The following ANKRD12 variants were observed in gnomAD, a reference collection of about 807,000 sequenced individuals.
ANKRD12 encodes the protein ankyrin repeat domain 12, also known as ankyrin repeat domain-containing protein 12.
Under a neutral mutation model 183.4 loss-of-function variants are expected in ANKRD12, and 85 were observed. That is an observed-to-expected ratio of 0.46 (90% CI 0.39 to 0.56). The LOEUF (loss-of-function observed/expected upper bound fraction) is 0.56, where lower values mean the gene tolerates loss of function less well. Among genes scored for constraint, ANKRD12 ranks in the 20% least tolerant of loss-of-function variants. The pLI is 0.00. For synonymous variants in ANKRD12, 914 were observed against 800.2 expected (o/e 1.14, Z -2.40); for missense variants, 2,405 against 2,357.1 (o/e 1.02, Z -0.42).
intron 12 of ANKRD12, 47 bp downstream of exon 12, chr18:9,279,691 A>C: frequency 2.5e-6 from 1 of 404,960 alleles, no homozygotes; most frequent in Non-Finnish European, 3.8e-6. Flanking sequence ...CCCCCTTCTT[A>C]AAAAAAAAAA....
At chr18:9,153,237 G>A (rs78459992) in intron 1 of ANKRD12, among the ~76,000 whole-genome samples, 2,225 of 152,222 alleles carry the variant, frequency 0.015, 59 homozygotes, top group African/African-American at 0.051. Context: ...AATATTTTTC[G>A]TTAACCCTCA....
At chr18:9,274,547 A>G (rs2039743407) in intron 10 of ANKRD12, among the ~76,000 whole-genome samples, 1 of 152,188 alleles carries the variant, frequency 6.6e-6, no homozygotes, top group African/African-American at 2.4e-5. Flanking sequence ...GCATAGAGGA[A>G]GGGGGTGGAG....
intron 6 of ANKRD12, among the ~76,000 whole-genome samples, chr18:9,213,369 T>A (rs1175874373): frequency 6.6e-6 from 1 of 151,924 alleles, no homozygotes; most frequent in Non-Finnish European, 1.5e-5. Context: ...ATTTCTTTCA[T>A]CTGACAATTC....
chr18:9,167,370 G>T (rs548717978), intron 1 of ANKRD12, among the ~76,000 whole-genome samples: 19 of 152,238 alleles, frequency 1.2e-4, no homozygotes, highest in African/African-American at 3.9e-4. Flanking sequence ...TCTTCCATTT[G>T]TTTGTATCCT....
intron 10 of ANKRD12, among the ~76,000 whole-genome samples, chr18:9,266,515 T>A (rs1314102144): frequency 6.6e-6 from 1 of 152,144 alleles, no homozygotes; most frequent in Non-Finnish European, 1.5e-5. Flanking sequence ...CCGGCCAAAC[T>A]AAGCTTCATA....
At position 9,232,495 on chromosome 18, in the gene ANKRD12, G is replaced by T. The variant is rs559671868; in HGVS notation, c.943+10496G>T. Among the ~76,000 whole-genome samples, 8 of 152,264 alleles carry T rather than the reference G, an allele frequency of 5.3e-5. No homozygotes were observed. The South Asian group carries it at 1.2e-3, about 24-fold the overall frequency. On this transcript the variant is annotated intron_variant, in intron 8 of 12. Coordinates refer to ENST00000262126, the MANE Select transcript of ANKRD12 (RefSeq NM_015208.5). ...GAAGTCTGCTGTTAGTCTGATGGTG[G>T]TGGGGGGAGGCCTCTCTGTAGGTGA...
chr18:9,197,669 A>C (rs1423345322), intron 3 of ANKRD12, among the ~76,000 whole-genome samples: 1 of 152,246 alleles, frequency 6.6e-6, no homozygotes, highest in Non-Finnish European at 1.5e-5. Flanking sequence ...AAAAAATGTT[A>C]CTTAAGAAAA....
In ANKRD12 at chr18:9,255,573, A is replaced by T. The variant is rs755211254; in HGVS notation, c.2306A>T (p.Asp769Val). 1.7e-5 allele frequency: 27 copies of T among 1,569,422 alleles called. 1 individual carries two copies. The South Asian group carries it at 3.3e-4, about 19-fold the overall frequency. ...TCTTTTAGGGAGGAAAAAATAAAAG[A>T]TCTAAAAGAAGAGAGAGAAAACATA... ...EKSFREEKIK[D>V]LKEERENIPT... Residue 769 changes from aspartate (D) to valine (V), a missense_variant, in exon 9 of 13, where the codon GAT becomes GTT. This residue lies in a region of ANKRD12 where 1,983 missense variants were observed against 1,725.9 expected (regional missense o/e 1.15). Transcript: ENST00000262126.
chr18:9,281,292 A>G lies in ANKRD12; in HGVS notation c.*166A>G. ...TGTCATTTTATAAAAAATGAGAATTATTTTGGATCTTAGATCCAAACACAG... is the reference window on the plus strand; with the variant it reads ...TGTCATTTTATAAAAAATGAGAATTGTTTTGGATCTTAGATCCAAACACAG... On this transcript the variant is annotated 3_prime_UTR_variant, in exon 13 of 13. Coordinates refer to ENST00000262126, the MANE Select transcript of ANKRD12 (RefSeq NM_015208.5). The G allele has an allele frequency of 1.9e-6, 1 of 528,542 alleles. No individual in the cohort carries two copies. 32.7% of individuals were successfully genotyped at this position (528,542 alleles called of 1,614,324 possible).
rs1406218859 is a variant in ANKRD12, at chr18:9,255,230, T to C, written c.1963T>C (p.Leu655=). 1.3e-6 allele frequency: 2 copies of C among 1,567,112 alleles called. No homozygotes were observed. Among genetic ancestry groups the C allele is most frequent in the Non-Finnish European group, 1.7e-6 (2 of 1,165,800 alleles). The change falls in exon 9 of 13, where the codon TTG becomes CTG. Residue 655 remains leucine, a synonymous_variant. Coordinates refer to ENST00000262126, the MANE Select transcript of ANKRD12 (RefSeq NM_015208.5). ...KEGKTLKKHK[L]KHKEREKEKH... ...AGGTAAAACATTAAAAAAACATAAATTGAAGCATAAAGAGAGGGAAAAAGA... is the reference window on the plus strand; with the variant it reads ...AGGTAAAACATTAAAAAAACATAAACTGAAGCATAAAGAGAGGGAAAAAGA...
chr18:9,151,242 G>T (rs1045045378), intron 1 of ANKRD12, among the ~76,000 whole-genome samples: 1 of 152,122 alleles, frequency 6.6e-6, no homozygotes, highest in African/African-American at 2.4e-5. Context: ...CTTTAAAAAT[G>T]TGAGGGAATT....
chr18:9,171,437 T>C (rs1285447397), intron 1 of ANKRD12, among the ~76,000 whole-genome samples: 1 of 152,184 alleles, frequency 6.6e-6, no homozygotes, highest in African/African-American at 2.4e-5. Context: ...TTAAGGTGAA[T>C]ATTGTTATGT....
At position 9,255,505 on chromosome 18, in the gene ANKRD12, C is replaced by T. The variant is rs774940561; in HGVS notation, c.2238C>T (p.Asn746=). 7.0e-6 allele frequency: 11 copies of T among 1,569,076 alleles called. No homozygotes were observed. The highest frequency in any genetic ancestry group is 9.4e-6 in the Non-Finnish European group (11 of 1,166,726). The change falls in exon 9 of 13, where the codon AAC becomes AAT. Residue 746 remains asparagine, a synonymous_variant. Transcript: ENST00000262126. The part of the protein sequence containing the change: ...TKEKHVSKER[N]FKEERDKIKK... Reference sequence around the variant, plus strand: ...AAAAGCATGTGTCAAAAGAGAGGAACTTTAAAGAGGAACGAGACAAGATTA... The same window carrying T: ...AAAAGCATGTGTCAAAAGAGAGGAATTTTAAAGAGGAACGAGACAAGATTA...
intron 8 of ANKRD12, among the ~76,000 whole-genome samples, chr18:9,227,080 C>T (rs1328923216): frequency 2.6e-5 from 4 of 151,936 alleles, no homozygotes; most frequent in African/African-American, 4.8e-5. Context: ...ACTGTGGTGA[C>T]AGAAGAGAAT....
Position 9,221,783 on chromosome 18 carries a change from A to G in ANKRD12, c.796-69A>G, listed in dbSNP as rs1598604247. On this transcript the variant is annotated intron_variant, in intron 7 of 12. Coordinates refer to ENST00000262126, the MANE Select transcript of ANKRD12 (RefSeq NM_015208.5). ...CACTCAGAAGGATACTATGAGTATT[A>G]TCAAGAGAATGGGTGCAGTGATAAC... The G allele has an allele frequency of 2.7e-6, 4 of 1,504,660 alleles. No individual in the cohort carries two copies. The South Asian group carries it at 3.6e-5, about 14-fold the overall frequency. 93.2% of individuals were successfully genotyped at this position (1,504,660 alleles called of 1,614,324 possible). A position where few individuals can be genotyped will look rare whatever the true frequency, so the allele number is the denominator to read the frequency against.
chr18:9,178,917 G>C (rs1286797506), intron 1 of ANKRD12, among the ~76,000 whole-genome samples: 2 of 151,882 alleles, frequency 1.3e-5, no homozygotes, highest in Non-Finnish European at 2.9e-5. Context: ...GCTATCATAG[G>C]TTATATTTTA....
At chr18:9,222,197 G>C in intron 8 of ANKRD12, among the ~76,000 whole-genome samples, 198 bp downstream of exon 8, 1 of 152,142 alleles carries the variant, frequency 6.6e-6, no homozygotes, top group East Asian at 1.9e-4. Context: ...TGTGAATGAA[G>C]TCATAATGCC....
chr18:9,253,920 A>G (rs1406472145), intron 8 of ANKRD12, among the ~76,000 whole-genome samples: 1 of 152,204 alleles, frequency 6.6e-6, no homozygotes, highest in Non-Finnish European at 1.5e-5. Context: ...TTCTATGTTG[A>G]CTGCAGGACT....
At chr18:9,142,269 GTAGTTCACACAGTGCTTTT>G (rs1338462207) in intron 1 of ANKRD12, among the ~76,000 whole-genome samples, 1 of 152,126 alleles carries the variant, frequency 6.6e-6, no homozygotes, top group East Asian at 1.9e-4. Context: ...ACAGTGCTTT[GTAGTTCACACAGTGCTTTT>G]TACATCTGAT....
Sources: gnomAD v4.1 joint callset for allele counts (sites outside exome capture counted in the v4.1 genomes callset) on GRCh38, gnomAD v4.1.1 for gene constraint, gnomAD v4.1.1 regional missense constraint, MANE v1.5 for transcripts, NCBI Gene and HGNC (gene_info 2026-07-23, HGNC 2026-07-21) for gene names.